The following USP6NL variants were observed in gnomAD, a reference collection of about 807,000 sequenced individuals.
USP6NL encodes USP6 N-terminal like.
In USP6NL, 26 loss-of-function variants were observed where a neutral mutation model predicts 61.9. The observed-to-expected ratio is 0.42, with a 90% CI of 0.31 to 0.58. The LOEUF (loss-of-function observed/expected upper bound fraction) is 0.58, where lower values mean the gene tolerates loss of function less well. Among genes scored for constraint, USP6NL ranks in the 20% least tolerant of loss-of-function variants. The pLI is 0.16. For missense variants in USP6NL, 1,114 were observed against 1,034.3 expected (o/e 1.08, Z -1.06); for synonymous variants, 432 against 390.1 (o/e 1.11, Z -1.27).
chr10:11,490,821 C>T lies in USP6NL; in HGVS notation c.543+11G>A. On this transcript the variant is annotated intron_variant, in intron 9 of 14. Transcript: ENST00000609104. This position sits in a 1 kb window ranked among gnomAD's most constrained non-coding sequence, Gnocchi z 4.5. ...AACTCAAAGACCTTGGGCAGGCAGG[C>T]CCCAACTTACCGTGTTATAAATAGA... 1 of 1,553,516 alleles carries T rather than the reference C, an allele frequency of 6.4e-7. No homozygotes were observed. The highest frequency in any genetic ancestry group is 8.7e-7 in the Non-Finnish European group (1 of 1,149,028).
chr10:11,581,869 T>A lies in USP6NL; in HGVS notation c.4+15762A>T, dbSNP rs190694827. ...CTCATGCAACCTTTGCTTCCCAGGT[T>A]CACATGATTCTCCCTGCCTCAGCCT... On this transcript the variant is annotated intron_variant, in intron 2 of 14. Coordinates refer to ENST00000609104, the MANE Select transcript of USP6NL (RefSeq NM_014688.5). Among the ~76,000 whole-genome samples, 633 of 152,326 alleles carry A rather than the reference T, an allele frequency of 4.2e-3. 3 individuals are homozygous for A. Among genetic ancestry groups the A allele is most frequent in the South Asian group, 0.01 (49 of 4,828 alleles).
chr10:11,475,301 CA>C (rs766814955), intron 14 of USP6NL, among the ~76,000 whole-genome samples: 190 of 127,498 alleles, frequency 1.5e-3, no homozygotes, highest in Non-Finnish European at 1.6e-3. Flanking sequence ...GAAAGTTTGC[CA>C]AAAAAAAAAA....
intron 2 of USP6NL, among the ~76,000 whole-genome samples, chr10:11,557,491 C>T (rs754157112): frequency 6.6e-6 from 1 of 152,154 alleles, no homozygotes; most frequent in Non-Finnish European, 1.5e-5. Flanking sequence ...CATATTCTAG[C>T]TCAAAGATGC....
chr10:11,597,810 T>C lies in USP6NL; in HGVS notation c.-83-93A>G. The C allele has an allele frequency of 3.5e-6, 2 of 568,894 alleles. No homozygotes were observed. The highest frequency in any genetic ancestry group is 6.3e-6 in the Non-Finnish European group (2 of 316,558). 35.2% of individuals were successfully genotyped at this position (568,894 alleles called of 1,614,324 possible). A position where few individuals can be genotyped will look rare whatever the true frequency, so the allele number is the denominator to read the frequency against. On this transcript the variant is annotated intron_variant, in intron 1 of 14. Transcript: ENST00000609104. The surrounding 1 kb of genome is among the most constrained non-coding windows in gnomAD (Gnocchi z 4.6). ...AAAGAAAATCATTTTGTTTCAAAAA[T>C]ATTCTACTATTTCCAAAAAGAACTC...
chr10:11,535,285 G>A (rs1421017581), intron 2 of USP6NL, among the ~76,000 whole-genome samples: 1 of 152,028 alleles, frequency 6.6e-6, no homozygotes, highest in Non-Finnish European at 1.5e-5. Context: ...TACCCCAGTG[G>A]GTCTACCTCA....
chr10:11,544,187 T>A (rs1591910319), intron 2 of USP6NL, among the ~76,000 whole-genome samples: 1 of 151,872 alleles, frequency 6.6e-6, no homozygotes, highest in East Asian at 1.9e-4. Context: ...TTAAACACAA[T>A]GTTCAATCAG....
At chr10:11,599,111 C>T (rs984895073) in intron 1 of USP6NL, among the ~76,000 whole-genome samples, 5 of 152,206 alleles carry the variant, frequency 3.3e-5, no homozygotes, top group Non-Finnish European at 5.9e-5. Flanking sequence ...AATATACTTT[C>T]TTGATGGTGC....
At position 11,510,761 on chromosome 10, in the gene USP6NL, T is replaced by C. The variant is rs992274610; in HGVS notation, c.196-1086A>G. On this transcript the variant is annotated intron_variant, in intron 5 of 14. Coordinates refer to ENST00000609104, the MANE Select transcript of USP6NL (RefSeq NM_014688.5). The surrounding 1 kb of genome is among the most constrained non-coding windows in gnomAD (Gnocchi z 4.8). ...CTGCAACCCCACGAGGTAGGTATGA[T>C]TGTCACCATTTTACAATGAGGAAAC... 6.6e-6 allele frequency among the ~76,000 whole-genome samples: 1 copy of C among 152,244 alleles called. No homozygotes were observed. The highest frequency in any genetic ancestry group is 1.5e-5 in the Non-Finnish European group (1 of 68,050).
Position 11,518,594 on chromosome 10 carries a change from T to C in USP6NL, c.156-20A>G, listed in dbSNP as rs546999101. 23 of 1,599,506 alleles carry C rather than the reference T, an allele frequency of 1.4e-5. No homozygotes were observed. The East Asian group carries it at 2.5e-4, about 17-fold the overall frequency. ...TCCTCACTGCAGAGGAAAAACAGTA[T>C]TATATGAAATTGTTGAAATCAAAAC... On this transcript the variant is annotated intron_variant, in intron 4 of 14. Coordinates refer to ENST00000609104, the MANE Select transcript of USP6NL (RefSeq NM_014688.5). The surrounding 1 kb of genome is among the most constrained non-coding windows in gnomAD (Gnocchi z 5.3).
intron 2 of USP6NL, among the ~76,000 whole-genome samples, chr10:11,582,882 G>A (rs750831429): frequency 6.7e-6 from 1 of 150,092 alleles, no homozygotes; most frequent in Non-Finnish European, 1.5e-5. Flanking sequence ...TGTACAGAGT[G>A]TATTCTAAAG....
In USP6NL at chr10:11,489,196, G is replaced by A. The variant is rs1306153336; in HGVS notation, c.570C>T (p.Ser190=). ...ACATGAGGAGTAAAGCTGTGATCTG[G>A]CTCATCCCCTGACAATACCCGACTT... is the stretch of plus-strand genomic sequence containing the variant. The part of the protein sequence containing the change: ...NTEVGYCQGM[S]QITALLLMYM... Residue 190 remains serine, a synonymous_variant, in exon 10 of 15, where the codon AGC becomes AGT. Transcript: ENST00000609104. This position sits in a 1 kb window ranked among gnomAD's most constrained non-coding sequence, Gnocchi z 5.7. 6.2e-7 allele frequency: 1 copy of A among 1,613,732 alleles called. No homozygotes were observed. The highest frequency in any genetic ancestry group is 1.3e-5 in the African/African-American group (1 of 74,912).
In USP6NL at chr10:11,574,606, G is replaced by T. The variant is rs1837476945; in HGVS notation, c.4+23025C>A. On this transcript the variant is annotated intron_variant, in intron 2 of 14. Coordinates refer to ENST00000609104, the MANE Select transcript of USP6NL (RefSeq NM_014688.5). The surrounding 1 kb of genome is among the most constrained non-coding windows in gnomAD (Gnocchi z 4.3). ...GAAAAATGACACTCAGGTGAACATGGCTAAATGCTATGTTTATTAAACTGA... is the reference window on the plus strand; with the variant it reads ...GAAAAATGACACTCAGGTGAACATGTCTAAATGCTATGTTTATTAAACTGA... Among the ~76,000 whole-genome samples, 1 of 152,176 alleles carries T rather than the reference G, an allele frequency of 6.6e-6. No homozygotes were observed. Among genetic ancestry groups the T allele is most frequent in the South Asian group, 2.1e-4 (1 of 4,826 alleles).
At chr10:11,508,830 C>A (rs1431051534) in intron 6 of USP6NL, among the ~76,000 whole-genome samples, 1 of 152,278 alleles carries the variant, frequency 6.6e-6, no homozygotes, top group African/African-American at 2.4e-5. Flanking sequence ...GAATAAGCAA[C>A]TGCCACTCAA....
At position 11,470,529 on chromosome 10, in the gene USP6NL, T is replaced by C. The variant is rs576598816; in HGVS notation, c.1079-6680A>G. ...CACCAGTAACATTTTTATATGCCAA[T>C]TAGTATTCTCTACCCTTCTTCACAG... On this transcript the variant is annotated intron_variant, in intron 14 of 14. Transcript: ENST00000609104. The surrounding 1 kb of genome is among the most constrained non-coding windows in gnomAD (Gnocchi z 5.4). Among the ~76,000 whole-genome samples, 1 of 152,310 alleles carries C rather than the reference T, an allele frequency of 6.6e-6. No individual in the cohort carries two copies. The highest frequency in any genetic ancestry group is 2.4e-5 in the African/African-American group (1 of 41,560).
At position 11,462,501 on chromosome 10, in the gene USP6NL, A is replaced by T. The variant is rs749082889; in HGVS notation, c.2427T>A (p.Pro809=). The T allele has an allele frequency of 1.2e-6, 2 of 1,614,036 alleles. No individual in the cohort carries two copies. Among genetic ancestry groups the T allele is most frequent in the Non-Finnish European group, 1.7e-6 (2 of 1,179,892 alleles). The change falls in exon 15 of 15, where the codon CCT becomes CCA. Residue 809 remains proline, a synonymous_variant. Coordinates refer to ENST00000609104, the MANE Select transcript of USP6NL (RefSeq NM_014688.5). ...PSGYPYSGPP[P]PAYHYRNRDG... ...CCCGATTCCTGTAGTGGTAGGCTGG[A>T]GGCGGGGGCCCTGAATATGGATATC...
At chr10:11,538,879 G>A (rs1052022972) in intron 2 of USP6NL, among the ~76,000 whole-genome samples, 2 of 151,890 alleles carry the variant, frequency 1.3e-5, no homozygotes, top group Non-Finnish European at 2.9e-5. Context: ...CATCTGCTGT[G>A]TTTGTGCTCC....
At chr10:11,493,964 C>A (rs1833808360) in intron 7 of USP6NL, among the ~76,000 whole-genome samples, 1 of 152,244 alleles carries the variant, frequency 6.6e-6, no homozygotes, top group Admixed American at 6.5e-5. Context: ...GTGGTTTTCT[C>A]CCATGCTGGG....
chr10:11,583,577 C>T (rs1486116179), intron 2 of USP6NL, among the ~76,000 whole-genome samples: 1 of 152,088 alleles, frequency 6.6e-6, no homozygotes, highest in African/African-American at 2.4e-5. Context: ...TGCAAATGGA[C>T]ACACAAATAT....
intron 2 of USP6NL, among the ~76,000 whole-genome samples, chr10:11,536,828 T>A (rs530773483): frequency 4.6e-5 from 7 of 152,228 alleles, no homozygotes; most frequent in African/African-American, 1.7e-4. Flanking sequence ...TTTATCTCCA[T>A]CTTGCTCCCC....
Sources: gnomAD v4.1 joint callset for allele counts (sites outside exome capture counted in the v4.1 genomes callset) on GRCh38, gnomAD v4.1.1 for gene constraint, Gnocchi (gnomAD v3.1) non-coding constraint, MANE v1.5 for transcripts, NCBI Gene and HGNC (gene_info 2026-07-23, HGNC 2026-07-21) for gene names.